The following TBC1D8B variants were observed in gnomAD, a reference collection of about 807,000 sequenced individuals.
TBC1D8B encodes the protein RP11-321G1.1.
In TBC1D8B, 75 loss-of-function variants were observed where a neutral mutation model predicts 82.9. That is an observed-to-expected ratio of 0.90 (90% CI 0.75 to 1.10). The LOEUF is 1.10. Among genes scored for constraint, TBC1D8B ranks in the 50% least tolerant of loss-of-function variants. TBC1D8B has a pLI of 0.00. For missense variants in TBC1D8B, 794 were observed against 796.9 expected (o/e 1.00, Z 0.04); for synonymous variants, 276 against 276.8 (o/e 1.00, Z 0.03).
chrX:106,862,776 G>GTT (rs1181091591), intron 14 of TBC1D8B, among the ~76,000 whole-genome samples: 12 of 37,292 alleles, frequency 3.2e-4, no homozygotes, highest in East Asian at 1.0e-3. Context: ...GTTTTTTTTT[G>GTT]TTTTTTTTTT....
Position 106,875,366 on chromosome X carries a change from G to A in TBC1D8B, c.*1401G>A, listed in dbSNP as rs949883457. 2 of 111,963 alleles carry A rather than the reference G, an allele frequency of 1.8e-5. No individual in the cohort carries two copies. The highest frequency in any genetic ancestry group is 6.5e-5 in the African/African-American group (2 of 30,841). The allele number at this position is 111,963 out of a possible 1,213,427, so 9.2% of individuals were successfully genotyped here. On this transcript the variant is annotated 3_prime_UTR_variant, in exon 21 of 21. Transcript: ENST00000357242. ...AGTCAGCCTTTGGGAAGAATCCACT[G>A]TGAACAAAGCTTAACACATGGGGCT... is the stretch of plus-strand genomic sequence containing the variant.
rs987253337 is a variant in TBC1D8B at position 106,842,783 on chromosome X, C to A, written c.1719+1899C>A. Among the ~76,000 whole-genome samples, 6 of 110,882 alleles carry A rather than the reference C, an allele frequency of 5.4e-5. No homozygotes were observed. The Admixed American group carries it at 5.8e-4, about 11-fold the overall frequency. ...ATTCACAAAGTTGTGCAAACCTTCA[C>A]CATTATCTAATTCCAGAACATTTTC... is the stretch of plus-strand genomic sequence containing the variant. On this transcript the variant is annotated intron_variant, in intron 10 of 20. Transcript: ENST00000357242.
At chrX:106,817,790 G>T (rs187489133) in intron 1 of TBC1D8B, among the ~76,000 whole-genome samples, 4 of 111,038 alleles carry the variant, frequency 3.6e-5, no homozygotes, top group African/African-American at 1.3e-4. Flanking sequence ...AGGGGAAGTG[G>T]GTCTTGAAGA....
rs775587547 is a variant in TBC1D8B at position 106,848,144 on chromosome X, G to T, written c.1720-42G>T. 5.5e-6 allele frequency: 5 copies of T among 916,890 alleles called. No individual in the cohort carries two copies. In the East Asian group the frequency reaches 1.6e-4, roughly 29 times the overall value. The allele number at this position is 916,890 out of a possible 1,213,427, so 75.6% of individuals were successfully genotyped here. A position where few individuals can be genotyped will look rare whatever the true frequency, so the allele number is the denominator to read the frequency against. ...GTTTGAAGAAGTATAATTATTACTT[G>T]AGCAATATTTGCTTTTTAATACTGT... On this transcript the variant is annotated intron_variant, in intron 10 of 20. Transcript: ENST00000357242.
At chrX:106,869,656 T>G (rs2147774893) in intron 19 of TBC1D8B, 115 bp downstream of exon 19, 1 of 467,210 alleles carries the variant, frequency 2.1e-6, no homozygotes, top group South Asian at 5.6e-5. Context: ...GTCTCAGAAA[T>G]TATAGAAAAT....
At chrX:106,812,281 G>A (rs1931404029) in intron 1 of TBC1D8B, among the ~76,000 whole-genome samples, 1 of 111,676 alleles carries the variant, frequency 9.0e-6, no homozygotes, top group South Asian at 3.8e-4. Context: ...TTCCTGCTAA[G>A]TGTATTGGCA....
At chrX:106,868,862 G>A (rs1932830260) in intron 18 of TBC1D8B, among the ~76,000 whole-genome samples, 1 of 112,087 alleles carries the variant, frequency 8.9e-6, no homozygotes, top group Non-Finnish European at 1.9e-5. Flanking sequence ...AGACAGGGAT[G>A]AGTCTGTCTC....
intron 14 of TBC1D8B, among the ~76,000 whole-genome samples, chrX:106,857,825 T>C (rs867766617): frequency 1.8e-5 from 2 of 112,759 alleles, no homozygotes; most frequent in Non-Finnish European, 3.7e-5. Flanking sequence ...TTGATGGGCA[T>C]CTAAGTTGAT....
intron 14 of TBC1D8B, among the ~76,000 whole-genome samples, chrX:106,857,020 G>A (rs1298650399): frequency 9.0e-6 from 1 of 111,001 alleles, no homozygotes; most frequent in Non-Finnish European, 1.9e-5. Flanking sequence ...GAATAGACAA[G>A]CATGTCATTT....
rs374568341 is a variant in TBC1D8B at position 106,854,244 on chromosome X, G to A, written c.2300G>A (p.Arg767Gln). The change falls in exon 14 of 21, where the codon CGA (arginine) becomes CAA (glutamine). Residue 767 changes from arginine to glutamine, a missense_variant. Arg to Gln is a conservative substitution (Grantham distance 43). Transcript: ENST00000357242. ...GAAGATATACATAGTATGCGCTGTC[G>A]AAATAGGTTGTATGTGATACAGACC... is the stretch of plus-strand genomic sequence containing the variant. ...RYEDIHSMRC[R>Q]NRLYVIQTLE... 8.0e-5 allele frequency: 96 copies of A among 1,194,699 alleles called. No individual in the cohort carries two copies. Among genetic ancestry groups the A allele is most frequent in the African/African-American group, 1.8e-4 (10 of 56,178 alleles).
In TBC1D8B at chrX:106,868,440, T is replaced by C. The variant is rs1451630555; in HGVS notation, c.2776T>C (p.Ser926Pro). 1.0e-6 allele frequency: 1 copy of C among 1,003,587 alleles called. No individual in the cohort carries two copies. Among genetic ancestry groups the C allele is most frequent in the African/African-American group, 2.0e-5 (1 of 51,114 alleles). 82.7% of individuals were successfully genotyped at this position (1,003,587 alleles called of 1,213,427 possible). The change falls in exon 18 of 21, where the codon TCC (serine) becomes CCC (proline). Residue 926 changes from serine to proline, a missense_variant. Transcript: ENST00000357242. ...SKDASKGDEL[S>P]KEELLYFSQL... ...GGATGCTTCAAAAGGAGATGAACTT[T>C]CCAAGGAAGAATTACTTTATTTCAG...
intron 18 of TBC1D8B, 109 bp from the exon 19 acceptor site, chrX:106,869,376 G>C: frequency 3.4e-6 from 2 of 593,373 alleles, no homozygotes; most frequent in Non-Finnish European, 5.1e-6. Flanking sequence ...AAATTTGTTT[G>C]CAGAATTGAA....
intron 1 of TBC1D8B, among the ~76,000 whole-genome samples, chrX:106,811,653 A>C (rs992129915): frequency 8.9e-6 from 1 of 112,388 alleles, no homozygotes; most frequent in African/African-American, 3.2e-5. Flanking sequence ...AATGTTTAAA[A>C]GTACTACACT....
At chrX:106,806,820 A>C (rs1374887077) in intron 1 of TBC1D8B, among the ~76,000 whole-genome samples, 1 of 111,668 alleles carries the variant, frequency 9.0e-6, no homozygotes, top group Non-Finnish European at 1.9e-5. Context: ...CTTTGAAATT[A>C]AATTGTCTGT....
intron 1 of TBC1D8B, among the ~76,000 whole-genome samples, chrX:106,808,960 G>C (rs941991732): frequency 7.2e-5 from 8 of 111,381 alleles, no homozygotes; most frequent in Non-Finnish European, 1.9e-5. Flanking sequence ...CCAGGAGTTC[G>C]AGGCCAGCCT....
chrX:106,818,863 G>A, intron 2 of TBC1D8B, 90 bp downstream of exon 2: 1 of 694,816 alleles, frequency 1.4e-6, no homozygotes, highest in Non-Finnish European at 2.1e-6. Context: ...TAGTTGCTTT[G>A]AGATTTAAAA....
At position 106,840,201 on chromosome X, in the gene TBC1D8B, A is replaced by G. The variant is rs1393665161; in HGVS notation, c.1504+3A>G. On this transcript the variant is annotated splice_donor_region_variant and intron_variant, in intron 9 of 20. Coordinates refer to ENST00000357242, the MANE Select transcript of TBC1D8B (RefSeq NM_017752.3). ...AGAACTCTGGATGCTTTTTTCAGGT[A>G]TTACGTTTATTCATTGTATTTATTT... 1 of 1,200,446 alleles carries G rather than the reference A, an allele frequency of 8.3e-7. No homozygotes were observed. Among genetic ancestry groups the G allele is most frequent in the African/African-American group, 1.7e-5 (1 of 57,345 alleles).
At position 106,803,684 on chromosome X, in the gene TBC1D8B, T is replaced by C. The variant is rs753941459; in HGVS notation, c.130+701T>C. On this transcript the variant is annotated intron_variant, in intron 1 of 20. Coordinates refer to ENST00000357242, the MANE Select transcript of TBC1D8B (RefSeq NM_017752.3). ...GGTGCTGCCCCTTCATTCAAAGCTG[T>C]GATTGTAAGCCAGACGGTAAGAGTT... is the stretch of plus-strand genomic sequence containing the variant. Among the ~76,000 whole-genome samples the C allele has an allele frequency of 1.4e-4, 16 of 111,865 alleles. No homozygotes were observed. The South Asian group carries it at 4.9e-3, about 34-fold the overall frequency.
chrX:106,872,458 TATATA>T lies in TBC1D8B; in HGVS notation c.2968-1111_2968-1107del, dbSNP rs1932855819. On this transcript the variant is annotated intron_variant, in intron 20 of 20. Coordinates refer to ENST00000357242, the MANE Select transcript of TBC1D8B (RefSeq NM_017752.3). ...AACTAGGAACCCAGAAAAATATTTATATATATATATATATATATATATATATATAT... is the reference window on the plus strand; with the variant it reads ...AACTAGGAACCCAGAAAAATATTTATTATATATATATATATATATATATAT... Among the ~76,000 whole-genome samples, 19 of 1,091 alleles carry T rather than the reference TATATA, an allele frequency of 0.017. No individual in the cohort carries two copies. In the Non-Finnish European group the frequency reaches 0.24, roughly 14 times the overall value. 0.9% of individuals were successfully genotyped at this position (1,091 alleles called of 115,157 possible).
Sources: allele counts gnomAD v4.1 joint callset (sites outside exome capture counted in the v4.1 genomes callset), GRCh38; gene constraint gnomAD v4.1.1; transcripts MANE v1.5; gene names NCBI Gene and HGNC (gene_info 2026-07-23, HGNC 2026-07-21).